The following DAB1 variants were observed in gnomAD, a reference collection of about 807,000 sequenced individuals.
DAB1 encodes the protein disabled homolog 1.
In DAB1, 15 loss-of-function variants were observed where a neutral mutation model predicts 64.6. The ratio of observed to expected loss-of-function variants is 0.23; its 90% CI spans 0.16 to 0.36. The LOEUF is 0.36. DAB1 is among the 10% of genes least tolerant of loss of function. DAB1 has a pLI of 1.00. For synonymous variants in DAB1, 235 were observed against 251.9 expected (o/e 0.93, Z 0.64); for missense variants, 596 against 706.7 (o/e 0.84, Z 1.78).
At chr1:57,744,085 G>A (rs565646001) in intron 6 of DAB1, among the ~76,000 whole-genome samples, 2 of 152,306 alleles carry the variant, frequency 1.3e-5, no homozygotes, top group South Asian at 2.1e-4. Flanking sequence ...TTATGGATAC[G>A]TCACAGTGCT....
chr1:57,125,906 T>A (rs1657091040), intron 4 of DAB1, among the ~76,000 whole-genome samples: 1 of 152,106 alleles, frequency 6.6e-6, no homozygotes, highest in African/African-American at 2.4e-5. Flanking sequence ...GACAAAGAGG[T>A]GAACCAGAGG....
intron 3 of DAB1, among the ~76,000 whole-genome samples, chr1:58,499,304 C>T (rs1481872616): frequency 8.6e-6 from 1 of 116,746 alleles, no homozygotes; most frequent in African/African-American, 3.5e-5. Flanking sequence ...ACAGCAAGAC[C>T]ACATCTCTAC....
intron 7 of DAB1, among the ~76,000 whole-genome samples, chr1:57,618,461 T>G (rs1645816097): frequency 6.7e-6 from 1 of 150,084 alleles, no homozygotes; most frequent in East Asian, 2.0e-4. Context: ...AGTCTTCCTT[T>G]AGGGGTTGGC....
intron 2 of DAB1, among the ~76,000 whole-genome samples, chr1:57,268,725 C>T (rs1050288938): frequency 6.6e-6 from 1 of 152,096 alleles, no homozygotes; most frequent in African/African-American, 2.4e-5. Context: ...TTCTAAAATC[C>T]CAATTTTATG....
intron 1 of DAB1, among the ~76,000 whole-genome samples, chr1:57,380,115 G>GC (rs1681246247): frequency 6.6e-6 from 1 of 152,196 alleles, no homozygotes; most frequent in South Asian, 2.1e-4. Flanking sequence ...CCTACTTGGT[G>GC]TCAGGCGCAT....
intron 4 of DAB1, among the ~76,000 whole-genome samples, chr1:58,324,563 T>C (rs1378778427): frequency 2.0e-5 from 3 of 152,182 alleles, no homozygotes; most frequent in Non-Finnish European, 4.4e-5. Flanking sequence ...ATCACCTTCA[T>C]CATGCTTGGA....
At chr1:57,928,491 T>C (rs1644910795) in intron 5 of DAB1, among the ~76,000 whole-genome samples, 1 of 152,178 alleles carries the variant, frequency 6.6e-6, no homozygotes, top group South Asian at 2.1e-4. Flanking sequence ...TTAGGGCTCA[T>C]TTTTGGTGCT....
At chr1:57,650,495 T>G (rs963684882) in intron 6 of DAB1, among the ~76,000 whole-genome samples, 22 of 152,172 alleles carry the variant, frequency 1.4e-4, no homozygotes, top group Non-Finnish European at 3.2e-4. Flanking sequence ...CATAGAAGAA[T>G]AATATGTAAA....
chr1:58,400,818 A>T (rs1644562466), intron 3 of DAB1, among the ~76,000 whole-genome samples: 1 of 152,248 alleles, frequency 6.6e-6, no homozygotes, highest in Non-Finnish European at 1.5e-5. Context: ...CACAATTGAT[A>T]ATTATTATTT....
chr1:57,566,739 C>T (rs1249233683), intron 7 of DAB1, among the ~76,000 whole-genome samples: 1 of 152,122 alleles, frequency 6.6e-6, no homozygotes, highest in East Asian at 1.9e-4. Context: ...GAAGTTAAAT[C>T]CCTGAATAGA....
chr1:57,641,841 A>T (rs1178641768), intron 7 of DAB1, among the ~76,000 whole-genome samples: 2 of 151,960 alleles, frequency 1.3e-5, no homozygotes, highest in African/African-American at 4.8e-5. Context: ...CCTTCCTTCC[A>T]AGAAGTGCTC....
At chr1:57,001,382 G>A (rs1402065239) in intron 14 of DAB1, among the ~76,000 whole-genome samples, 1 of 152,180 alleles carries the variant, frequency 6.6e-6, no homozygotes, top group Non-Finnish European at 1.5e-5. Flanking sequence ...CCACAGGGTA[G>A]GTCAAAGCAC....
intron 9 of DAB1, among the ~76,000 whole-genome samples, chr1:57,044,619 A>G (rs563829586): frequency 1.3e-5 from 2 of 152,334 alleles, no homozygotes; most frequent in Middle Eastern, 3.4e-3. Context: ...AGATCTTACC[A>G]TAGATACCAA....
chr1:57,959,783 T>C (rs1645474706), intron 5 of DAB1, among the ~76,000 whole-genome samples: 1 of 152,218 alleles, frequency 6.6e-6, no homozygotes, highest in Admixed American at 6.5e-5. Context: ...GTTTCCTAAA[T>C]GCCTTTATGC....
chr1:57,908,951 G>A (rs1367940533), intron 5 of DAB1, among the ~76,000 whole-genome samples: 10 of 150,806 alleles, frequency 6.6e-5, no homozygotes, highest in Non-Finnish European at 1.5e-5. Context: ...AAGTGTCTTG[G>A]GAACCAGGTC....
intron 5 of DAB1, among the ~76,000 whole-genome samples, chr1:58,138,905 T>C (rs1048591955): frequency 2.6e-5 from 4 of 152,164 alleles, no homozygotes; most frequent in Non-Finnish European, 5.9e-5. Flanking sequence ...GGTGAATAGG[T>C]AAATGGATGG....
intron 3 of DAB1, among the ~76,000 whole-genome samples, chr1:58,460,255 T>C (rs963612371): frequency 6.6e-6 from 1 of 152,046 alleles, no homozygotes; most frequent in African/African-American, 2.4e-5. Flanking sequence ...CCTGATCCTA[T>C]CAGATGAGGA....
chr1:57,106,804 C>G (rs976234434), intron 4 of DAB1, among the ~76,000 whole-genome samples: 1 of 152,070 alleles, frequency 6.6e-6, no homozygotes, highest in Admixed American at 6.5e-5. Flanking sequence ...ATAAATCATA[C>G]CCTGTGCTTG....
Position 56,996,216 on chromosome 1 carries a change from C to T in DAB1, c.*1928G>A, listed in dbSNP as rs1381355224. The T allele has an allele frequency of 1.3e-5, 2 of 152,148 alleles. No individual in the cohort carries two copies. The highest frequency in any genetic ancestry group is 4.8e-5 in the African/African-American group (2 of 41,426). The allele number at this position is 152,148 out of a possible 1,614,324, so 9.4% of individuals were successfully genotyped here. A position where few individuals can be genotyped will look rare whatever the true frequency, so the allele number is the denominator to read the frequency against. ...TTGATATGAAGAATCAAATGCAGGC[C>T]TATTCAAATCAATTGTCTCAATGGA... On this transcript the variant is annotated 3_prime_UTR_variant, in exon 15 of 15. Coordinates refer to ENST00000371236, the MANE Select transcript of DAB1 (RefSeq NM_001365792.1).
Sources: allele counts gnomAD v4.1 joint callset (sites outside exome capture counted in the v4.1 genomes callset), GRCh38; gene constraint gnomAD v4.1.1; transcripts MANE v1.5; gene names NCBI Gene and HGNC (gene_info 2026-07-23, HGNC 2026-07-21).